PPP1R16B: variants seen among roughly 807,000 people sequenced by gnomAD.
The protein encoded by PPP1R16B is protein phosphatase 1 regulatory subunit 16B, also known as protein phosphatase 1 regulatory inhibitor subunit 16B.
A neutral mutation model predicts 61.7 loss-of-function variants in PPP1R16B; 14 were observed. The observed-to-expected ratio is 0.23, with a 90% CI of 0.15 to 0.35. PPP1R16B has a LOEUF of 0.35. Among genes scored for constraint, PPP1R16B ranks in the 10% least tolerant of loss-of-function variants. PPP1R16B has a pLI of 1.00. For synonymous variants in PPP1R16B, 266 were observed against 305.3 expected, an observed-to-expected ratio of 0.87 and a Z score of 1.34; for missense variants, 547 against 752.5, an observed-to-expected ratio of 0.73 and a Z score of 3.19.
intron 1 of PPP1R16B, among the ~76,000 whole-genome samples, chr20:38,828,225 C>T (rs553488068): frequency 6.6e-6 from 1 of 152,330 alleles, no homozygotes; most frequent in African/African-American, 2.4e-5. Context: ...CCCGCTTCTC[C>T]CAGCTGAGTG....
At chr20:38,883,365 G>A (rs2085217027) in intron 2 of PPP1R16B, among the ~76,000 whole-genome samples, 1 of 152,254 alleles carries the variant, frequency 6.6e-6, no homozygotes, top group East Asian at 1.9e-4. Context: ...TGTCAGCGGT[G>A]ATGTCTCCCT....
chr20:38,895,828 C>G lies in PPP1R16B; in HGVS notation c.467+118C>G, dbSNP rs576467173. On this transcript the variant is annotated intron_variant, in intron 4 of 10. Coordinates refer to ENST00000299824, the MANE Select transcript of PPP1R16B (RefSeq NM_015568.4). ...TTCTCTCCTCCCTTCCTCCTTCCTTCTTTCTCTCCTCCCTTCCTCCTTCCT... is the reference window on the plus strand; with the variant it reads ...TTCTCTCCTCCCTTCCTCCTTCCTTGTTTCTCTCCTCCCTTCCTCCTTCCT... The G allele has an allele frequency of 8.1e-6, 9 of 1,112,076 alleles. No homozygotes were observed. The Admixed American group carries it at 1.7e-4, about 22-fold the overall frequency. The allele number at this position is 1,112,076 out of a possible 1,614,324, so 68.9% of individuals were successfully genotyped here.
intron 10 of PPP1R16B, 64 bp downstream of exon 10, chr20:38,908,257 C>T: frequency 1.3e-6 from 2 of 1,582,548 alleles, no homozygotes; most frequent in Non-Finnish European, 1.7e-6. Context: ...AGGGCCCAGC[C>T]TGGCCTTGCC....
At chr20:38,909,475 C>T (rs1347647903) in intron 10 of PPP1R16B, among the ~76,000 whole-genome samples, 2 of 152,218 alleles carry the variant, frequency 1.3e-5, no homozygotes, top group Non-Finnish European at 2.9e-5. Context: ...CCAGAACCAA[C>T]ACACTCACTC....
At chr20:38,868,680 C>T (rs770189016) in intron 2 of PPP1R16B, among the ~76,000 whole-genome samples, 16 of 152,162 alleles carry the variant, frequency 1.1e-4, no homozygotes, top group Admixed American at 2.0e-4. Context: ...TATGTTATCA[C>T]AACCAGTAAA....
chr20:38,813,751 A>ACATCAT (rs1157133606), intron 1 of PPP1R16B, among the ~76,000 whole-genome samples: 12 of 145,320 alleles, frequency 8.3e-5, no homozygotes, highest in African/African-American at 2.8e-4. Flanking sequence ...CTAAGGGGTG[A>ACATCAT]CATCATCATC....
At chr20:38,836,281 A>T in intron 2 of PPP1R16B, 106 bp downstream of exon 2, 1 of 1,460,112 alleles carries the variant, frequency 6.8e-7, no homozygotes, top group Non-Finnish European at 9.1e-7. Flanking sequence ...AGGTCTGCAG[A>T]CCCACTTCCA....
chr20:38,878,393 A>G (rs2085183469), intron 2 of PPP1R16B, among the ~76,000 whole-genome samples: 1 of 152,194 alleles, frequency 6.6e-6, no homozygotes, highest in African/African-American at 2.4e-5. Flanking sequence ...TTCAGAGTGG[A>G]CAGGTGTGAG....
chr20:38,845,988 A>G (rs920952342), intron 2 of PPP1R16B, among the ~76,000 whole-genome samples: 1 of 152,168 alleles, frequency 6.6e-6, no homozygotes, highest in Non-Finnish European at 1.5e-5. Flanking sequence ...TGGAGCCCAC[A>G]GGGCTTCTGT....
At position 38,900,694 on chromosome 20, in the gene PPP1R16B, G is replaced by A. The variant is rs766319930; in HGVS notation, c.571+10G>A. The A allele has an allele frequency of 1.3e-6, 2 of 1,564,474 alleles. No individual in the cohort carries two copies. Among genetic ancestry groups the A allele is most frequent in the Non-Finnish European group, 8.6e-7 (1 of 1,159,392 alleles). ...TGCATGGCATACCAGGGTAAGGGAG[G>A]GCAGCCTGCTATGAAGTGAGCACAG... On this transcript the variant is annotated intron_variant, in intron 5 of 10. Transcript: ENST00000299824.
chr20:38,835,696 G>A (rs1052408685), intron 1 of PPP1R16B, 129 bp from the exon 2 acceptor site: 1 of 544,742 alleles, frequency 1.8e-6, no homozygotes, highest in Admixed American at 3.3e-5. Flanking sequence ...GTAAGGATTT[G>A]CACTTCTCTT....
intron 2 of PPP1R16B, among the ~76,000 whole-genome samples, chr20:38,854,827 G>A (rs1437267951): frequency 6.6e-6 from 1 of 152,176 alleles, no homozygotes; most frequent in East Asian, 1.9e-4. Context: ...GTTACAATAA[G>A]CCAGAGGCAA....
intron 2 of PPP1R16B, among the ~76,000 whole-genome samples, chr20:38,861,586 T>C (rs1234471828): frequency 1.3e-5 from 2 of 152,140 alleles, no homozygotes; most frequent in South Asian, 2.1e-4. Flanking sequence ...GGACATCTTC[T>C]TCCCCCCCAC....
At chr20:38,825,355 G>A (rs546756868) in intron 1 of PPP1R16B, among the ~76,000 whole-genome samples, 18 of 152,324 alleles carry the variant, frequency 1.2e-4, no homozygotes, top group East Asian at 5.8e-4. Flanking sequence ...TAAAAGAGCC[G>A]CAAGTGCTTT....
At chr20:38,811,184 G>A (rs573211535) in intron 1 of PPP1R16B, among the ~76,000 whole-genome samples, 1 of 152,130 alleles carries the variant, frequency 6.6e-6, no homozygotes, top group Non-Finnish European at 1.5e-5. Context: ...GAGCCCCACG[G>A]TGGCCCCAGG....
intron 10 of PPP1R16B, among the ~76,000 whole-genome samples, chr20:38,917,050 A>G (rs1010451411): frequency 6.6e-6 from 1 of 152,122 alleles, no homozygotes; most frequent in African/African-American, 2.4e-5. Context: ...CAATCTCAGC[A>G]CTTTGGGAAG....
At chr20:38,854,327 A>G (rs944153366) in intron 2 of PPP1R16B, among the ~76,000 whole-genome samples, 1 of 152,204 alleles carries the variant, frequency 6.6e-6, no homozygotes, top group African/African-American at 2.4e-5. Context: ...TTATTAGCCT[A>G]TTAGCTGCAT....
rs540768681 is a variant in PPP1R16B at position 38,813,927 on chromosome 20, G to A, written c.-102+8135G>A. 1.6e-4 allele frequency among the ~76,000 whole-genome samples: 25 copies of A among 152,074 alleles called. No individual in the cohort carries two copies. In the South Asian group the frequency reaches 5.0e-3, roughly 30 times the overall value. On this transcript the variant is annotated intron_variant, in intron 1 of 10. Transcript: ENST00000299824. Reference sequence around the variant, plus strand: ...TTCTCCTGCCTCAGCCTCCTGAGTAGCTGAGATTACAGGCACCCGCCACCA... The same window carrying A: ...TTCTCCTGCCTCAGCCTCCTGAGTAACTGAGATTACAGGCACCCGCCACCA...
chr20:38,821,055 A>AAAAAAAT, intron 1 of PPP1R16B, among the ~76,000 whole-genome samples: 1 of 151,406 alleles, frequency 6.6e-6, no homozygotes, highest in Non-Finnish European at 1.5e-5. Flanking sequence ...AAAAAAAAAA[A>AAAAAAAT]AAAATTTGGC....
Sources: allele counts gnomAD v4.1 joint callset (sites outside exome capture counted in the v4.1 genomes callset), GRCh38; gene constraint gnomAD v4.1.1; transcripts MANE v1.5; gene names NCBI Gene and HGNC (gene_info 2026-07-23, HGNC 2026-07-21).